Variants in PPP1R12A observed in about 807,000 individuals in gnomAD.
PPP1R12A encodes the protein myosin binding subunit.
A neutral mutation model predicts 139.6 loss-of-function variants in PPP1R12A; 19 were observed. The ratio of observed to expected loss-of-function variants is 0.14; its 90% CI spans 0.09 to 0.20. The LOEUF (loss-of-function observed/expected upper bound fraction) is 0.20. Ranked by LOEUF, PPP1R12A falls within the 10% of genes least tolerant of loss-of-function variation. PPP1R12A has a pLI of 1.00. For missense variants in PPP1R12A, 925 were observed against 1,211.5 expected (o/e 0.76, Z 3.51); for synonymous variants, 427 against 420.6 (o/e 1.02, Z -0.19).
Position 79,774,188 on chromosome 12 carries a change from A to ACAGTT in PPP1R12A, c.*1736_*1740dup, listed in dbSNP as rs1869508550. 6.6e-6 allele frequency: 1 copy of ACAGTT among 152,156 alleles called. No individual in the cohort carries two copies. The highest frequency in any genetic ancestry group is 1.5e-5 in the Non-Finnish European group (1 of 68,006). 9.4% of individuals were successfully genotyped at this position (152,156 alleles called of 1,614,324 possible). A position where few individuals can be genotyped will look rare whatever the true frequency, so the allele number is the denominator to read the frequency against. On this transcript the variant is annotated 3_prime_UTR_variant, in exon 25 of 25. Coordinates refer to ENST00000450142, the MANE Select transcript of PPP1R12A (RefSeq NM_002480.3). ...CTCAATATTCAGACCTACCATTCAT[A>ACAGTT]CAGTTCAAATATAACCAAAAATAAA...
At chr12:79,869,903 C>CTATTATTATTATTAT (rs200825139) in intron 2 of PPP1R12A, among the ~76,000 whole-genome samples, 55 of 145,448 alleles carry the variant, frequency 3.8e-4, no homozygotes, top group African/African-American at 1.3e-3. Context: ...ACTATTGTCT[C>CTATTATTATTATTAT]TATTATTATT....
chr12:79,869,758 T>C (rs1882366590), intron 2 of PPP1R12A, among the ~76,000 whole-genome samples: 1 of 152,040 alleles, frequency 6.6e-6, no homozygotes, highest in South Asian at 2.1e-4. Context: ...AATCTTAAAT[T>C]ACTGAGACTA....
At chr12:79,897,337 C>T (rs940866284) in intron 1 of PPP1R12A, among the ~76,000 whole-genome samples, 4 of 152,036 alleles carry the variant, frequency 2.6e-5, no homozygotes, top group African/African-American at 9.7e-5. Flanking sequence ...TAAGTGTGAG[C>T]TAAATATTGG....
At chr12:79,825,815 T>C (rs1054201210) in intron 5 of PPP1R12A, among the ~76,000 whole-genome samples, 1 of 151,996 alleles carries the variant, frequency 6.6e-6, no homozygotes, top group African/African-American at 2.4e-5. Flanking sequence ...AAGTAATTTA[T>C]TTTGACTGAA....
In PPP1R12A at chr12:79,852,652, G is replaced by A. The variant is rs567910957; in HGVS notation, c.369-7232C>T. ...CGGCAAGTTGGGGGTAGATGTTCAGGTTCCCCACTTGTCCTCCATTTACAC... is the reference window on the plus strand; with the variant it reads ...CGGCAAGTTGGGGGTAGATGTTCAGATTCCCCACTTGTCCTCCATTTACAC... On this transcript the variant is annotated intron_variant, in intron 2 of 24. Transcript: ENST00000450142. Among the ~76,000 whole-genome samples, 4 of 152,250 alleles carry A rather than the reference G, an allele frequency of 2.6e-5. No homozygotes were observed. The South Asian group carries it at 8.3e-4, about 32-fold the overall frequency.
intron 1 of PPP1R12A, among the ~76,000 whole-genome samples, chr12:79,908,008 A>T (rs889050847): frequency 6.6e-6 from 1 of 152,204 alleles, no homozygotes. Flanking sequence ...GACCTCCATT[A>T]TTAGCCTAAG....
chr12:79,922,397 C>T (rs141592017), intron 1 of PPP1R12A, among the ~76,000 whole-genome samples: 218 of 152,260 alleles, frequency 1.4e-3, no homozygotes, highest in African/African-American at 5.0e-3. Flanking sequence ...TTTCAATATA[C>T]TAGAAACTTT....
intron 1 of PPP1R12A, among the ~76,000 whole-genome samples, chr12:79,897,752 T>C (rs1885263828): frequency 6.6e-6 from 1 of 152,178 alleles, no homozygotes; most frequent in Non-Finnish European, 1.5e-5. Context: ...GAATCTTCTT[T>C]TGTCCTCATT....
intron 5 of PPP1R12A, among the ~76,000 whole-genome samples, chr12:79,827,019 G>A (rs550872342): frequency 3.5e-4 from 54 of 152,268 alleles, no homozygotes; most frequent in African/African-American, 1.2e-3. Context: ...AAAAATTTCT[G>A]AAGGGGAATT....
intron 14 of PPP1R12A, among the ~76,000 whole-genome samples, chr12:79,800,978 C>T (rs1399564907): frequency 6.6e-6 from 1 of 151,676 alleles, no homozygotes; most frequent in East Asian, 2.0e-4. Flanking sequence ...CGTGATCCGC[C>T]CACCTCAGCC....
chr12:79,822,260 T>A, intron 5 of PPP1R12A, 70 bp from the exon 6 acceptor site: 1 of 1,094,170 alleles, frequency 9.1e-7, no homozygotes, highest in Non-Finnish European at 1.3e-6. Context: ...TCAGTAATTC[T>A]GTATAATTTT....
chr12:79,801,081 C>T (rs1223273112), intron 14 of PPP1R12A, among the ~76,000 whole-genome samples: 1 of 151,288 alleles, frequency 6.6e-6, no homozygotes, highest in African/African-American at 2.4e-5. Flanking sequence ...CGCGGTGGCT[C>T]ATGCCTGTAA....
At position 79,805,717 on chromosome 12, in the gene PPP1R12A, A is replaced by G; in HGVS notation, c.1875T>C (p.Ser625=). 1.2e-6 allele frequency: 2 copies of G among 1,613,454 alleles called. No homozygotes were observed. The highest frequency in any genetic ancestry group is 1.7e-6 in the Non-Finnish European group (2 of 1,179,600). ...AEDSTEKEKD[S]VPTAVTIPVA... The stretch of plus-strand genomic sequence containing the variant: ...CAGGAATGGTCACTGCCGTAGGAAC[A>G]CTGTCCTTTTCTTTCTCAGTACTAT... Residue 625 remains serine (S), a synonymous_variant, in exon 14 of 25, where the codon AGT becomes AGC. Coordinates refer to ENST00000450142, the MANE Select transcript of PPP1R12A (RefSeq NM_002480.3).
Position 79,900,109 on chromosome 12 carries a change from A to G in PPP1R12A, c.238-27171T>C, listed in dbSNP as rs183545973. Among the ~76,000 whole-genome samples, 7 of 152,320 alleles carry G rather than the reference A, an allele frequency of 4.6e-5. No homozygotes were observed. The East Asian group carries it at 1.3e-3, about 29-fold the overall frequency. ...TGCACCTGCTAGAACAATAAATACA[A>G]CTTTCATTCAATTGTTTAATAAAAC... On this transcript the variant is annotated intron_variant, in intron 1 of 24. Transcript: ENST00000450142.
intron 21 of PPP1R12A, chr12:79,787,910 G>A (rs1871321896): frequency 6.6e-6 from 1 of 152,168 alleles, no homozygotes; most frequent in Non-Finnish European, 1.5e-5. Flanking sequence ...TCATTAGTAT[G>A]ACTGTGTAAT....
At chr12:79,832,253 T>G (rs1362712925) in intron 4 of PPP1R12A, 79 bp downstream of exon 4, 1 of 1,335,344 alleles carries the variant, frequency 7.5e-7, no homozygotes, top group East Asian at 2.5e-5. Flanking sequence ...AAATAACGTT[T>G]GCAGGTATTT....
intron 6 of PPP1R12A, among the ~76,000 whole-genome samples, chr12:79,821,636 C>T (rs367827271): frequency 3.2e-4 from 48 of 151,882 alleles, no homozygotes; most frequent in Non-Finnish European, 5.0e-4. Context: ...ACCTGTAGTC[C>T]GAGCTACTCA....
At chr12:79,933,889 T>A (rs992516574) in intron 1 of PPP1R12A, among the ~76,000 whole-genome samples, 12 of 152,342 alleles carry the variant, frequency 7.9e-5, no homozygotes, top group African/African-American at 2.6e-4. Context: ...GGTAACCGGC[T>A]TTGAAAAGAG....
At chr12:79,896,859 T>C (rs536218312) in intron 1 of PPP1R12A, among the ~76,000 whole-genome samples, 16 of 152,310 alleles carry the variant, frequency 1.1e-4, no homozygotes, top group Middle Eastern at 3.4e-3. Flanking sequence ...AGTTCTAAAA[T>C]AGTAATTCAT....
Sources: gnomAD v4.1 joint callset for allele counts (sites outside exome capture counted in the v4.1 genomes callset) on GRCh38, gnomAD v4.1.1 for gene constraint, MANE v1.5 for transcripts, NCBI Gene and HGNC (gene_info 2026-07-23, HGNC 2026-07-21) for gene names.